The following CACNA1E variants were observed in gnomAD, a reference collection of about 807,000 sequenced individuals.
CACNA1E encodes calcium voltage-gated channel subunit alpha1 E, also known as voltage-dependent R-type calcium channel subunit alpha-1E.
A neutral mutation model predicts 259.2 loss-of-function variants in CACNA1E; 40 were observed. The ratio of observed to expected loss-of-function variants is 0.15; its 90% CI spans 0.12 to 0.20. CACNA1E has a LOEUF of 0.20. Among genes scored for constraint, CACNA1E ranks in the 10% least tolerant of loss-of-function variants. The probability of loss-of-function intolerance (pLI) is 1.00; values close to 1 mark genes in which losing one functional copy is unlikely to be tolerated. For missense variants in CACNA1E, 1,874 were observed against 3,040.1 expected (o/e 0.62, Z 9.02); for synonymous variants, 1,104 against 1,138.5 (o/e 0.97, Z 0.61).
At chr1:181,389,251 CA>C (rs1656077131) in intron 1 of CACNA1E, among the ~76,000 whole-genome samples, 1 of 152,158 alleles carries the variant, frequency 6.6e-6, no homozygotes, top group Admixed American at 6.5e-5. Flanking sequence ...GCCATTTTAG[CA>C]GCACCATCAT....
chr1:181,354,982 G>A (rs1653313254), intron 1 of CACNA1E, among the ~76,000 whole-genome samples: 1 of 152,250 alleles, frequency 6.6e-6, no homozygotes, highest in Admixed American at 6.5e-5. Context: ...AAGAGGGCCA[G>A]CACACAGGCA....
intron 1 of CACNA1E, 56 bp downstream of exon 1, chr1:181,484,066 AG>A (rs1663558667): frequency 9.1e-6 from 14 of 1,545,462 alleles, no homozygotes; most frequent in African/African-American, 2.7e-5. Flanking sequence ...CTTCGGGTGA[AG>A]GGGGGTACCT....
chr1:181,711,823 T>A (rs917588512), intron 8 of CACNA1E, among the ~76,000 whole-genome samples: 1 of 152,010 alleles, frequency 6.6e-6, no homozygotes, highest in African/African-American at 2.4e-5. Context: ...GTGACAGCTG[T>A]CATGGGGGAA....
In CACNA1E at chr1:181,772,114, G is replaced by A. The variant is rs1659570397; in HGVS notation, c.5022G>A (p.Gly1674=). The stretch of plus-strand genomic sequence containing the variant: ...AGGAGATTATGCTGTCATGCCTTGG[G>A]GAGAAGGGCTGTGAGCCTGACACCA... ...AWQEIMLSCL[G]EKGCEPDTTA... is the part of the protein sequence containing the mutation. The change falls in exon 37 of 48, where the codon GGG becomes GGA. Residue 1674 remains glycine (G), a synonymous_variant. Coordinates refer to ENST00000367573, the MANE Select transcript of CACNA1E (RefSeq NM_001205293.3). The A allele has an allele frequency of 9.9e-6, 16 of 1,613,844 alleles. No homozygotes were observed. Among genetic ancestry groups the A allele is most frequent in the Middle Eastern group, 1.6e-4 (1 of 6,084 alleles).
At chr1:181,607,767 T>A (rs1654370409) in intron 6 of CACNA1E, among the ~76,000 whole-genome samples, 1 of 152,220 alleles carries the variant, frequency 6.6e-6, no homozygotes, top group African/African-American at 2.4e-5. Context: ...CAATTGCTCT[T>A]AACTACAGAG....
chr1:181,353,028 C>T (rs1653158227), intron 1 of CACNA1E, among the ~76,000 whole-genome samples: 1 of 152,152 alleles, frequency 6.6e-6, no homozygotes, highest in Non-Finnish European at 1.5e-5. Flanking sequence ...AGTCATGCTG[C>T]CCCAGCTTCT....
intron 2 of CACNA1E, among the ~76,000 whole-genome samples, chr1:181,463,404 A>C (rs1661947450): frequency 6.6e-6 from 1 of 152,150 alleles, no homozygotes; most frequent in African/African-American, 2.4e-5. Context: ...ATTGCTTTTC[A>C]GAGTGAATGT....
chr1:181,450,472 A>G (rs536647233), intron 2 of CACNA1E, among the ~76,000 whole-genome samples: 1 of 151,888 alleles, frequency 6.6e-6, no homozygotes, highest in South Asian at 2.1e-4. Flanking sequence ...TTGTGTGTAG[A>G]AGGGGTTCAA....
chr1:181,697,465 A>G (rs1206915865), intron 7 of CACNA1E, among the ~76,000 whole-genome samples: 3 of 152,256 alleles, frequency 2.0e-5, no homozygotes, highest in African/African-American at 7.2e-5. Flanking sequence ...CTGGTACATC[A>G]TAAACACAAA....
chr1:181,798,813 GGAA>G lies in CACNA1E; in HGVS notation c.6927_6929del (p.Glu2309del). On this transcript the variant is annotated inframe_deletion, in exon 48 of 48. Coordinates refer to ENST00000367573, the MANE Select transcript of CACNA1E (RefSeq NM_001205293.3). This position sits in a 1 kb window ranked among gnomAD's most constrained non-coding sequence, Gnocchi z 4.2. ...CTGTCAACAACCTGCTAAGTGACAC[GGAA>G]GAAGATGACAAATGCTAGAGGCTGC... 6.5e-7 allele frequency: 1 copy of G among 1,526,928 alleles called. No homozygotes were observed. The highest frequency in any genetic ancestry group is 8.8e-7 in the Non-Finnish European group (1 of 1,138,148). 94.6% of individuals were successfully genotyped at this position (1,526,928 alleles called of 1,614,324 possible). A position where few individuals can be genotyped will look rare whatever the true frequency, so the allele number is the denominator to read the frequency against.
At chr1:181,713,702 G>C (rs1210718248) in intron 8 of CACNA1E, among the ~76,000 whole-genome samples, 1 of 152,198 alleles carries the variant, frequency 6.6e-6, no homozygotes, top group Non-Finnish European at 1.5e-5. Context: ...CTTAGGGAAT[G>C]TTTAACGAGG....
At chr1:181,735,216 G>A (rs1215825489) in intron 21 of CACNA1E, among the ~76,000 whole-genome samples, 1 of 152,148 alleles carries the variant, frequency 6.6e-6, no homozygotes, top group African/African-American at 2.4e-5. Context: ...CAGCTCTTTT[G>A]GTGTTTGTTT....
At chr1:181,361,746 A>G (rs1653900372) in intron 1 of CACNA1E, among the ~76,000 whole-genome samples, 1 of 152,088 alleles carries the variant, frequency 6.6e-6, no homozygotes, top group East Asian at 1.9e-4. Flanking sequence ...GGGGAAGGGG[A>G]TTAGACTTGA....
chr1:181,701,651 G>A (rs547380760), intron 7 of CACNA1E, among the ~76,000 whole-genome samples: 1 of 152,162 alleles, frequency 6.6e-6, no homozygotes. Flanking sequence ...ACTCTTGAAA[G>A]CCTTTATTTT....
At chr1:181,408,414 G>T (rs1283054021) in intron 1 of CACNA1E, among the ~76,000 whole-genome samples, 1 of 152,116 alleles carries the variant, frequency 6.6e-6, no homozygotes, top group African/African-American at 2.4e-5. Context: ...GAATTAAGAA[G>T]TAAAACTCTT....
At chr1:181,670,391 A>G (rs1648673035) in intron 7 of CACNA1E, among the ~76,000 whole-genome samples, 1 of 152,216 alleles carries the variant, frequency 6.6e-6, no homozygotes, top group Non-Finnish European at 1.5e-5. Flanking sequence ...CAAGTGTATC[A>G]CTACATTCTC....
chr1:181,413,215 G>T (rs892257205), exon 2 of CACNA1E: 5 of 152,926 alleles, frequency 3.3e-5, no homozygotes, highest in African/African-American at 1.2e-4. Flanking sequence ...GCCCGGCTGC[G>T]GGGAGCCCTG....
At chr1:181,529,216 A>G (rs1344995994) in intron 3 of CACNA1E, among the ~76,000 whole-genome samples, 3 of 152,094 alleles carry the variant, frequency 2.0e-5, no homozygotes, top group Non-Finnish European at 4.4e-5. Flanking sequence ...TGGAAGCCCC[A>G]AGTCTTGGCA....
intron 2 of CACNA1E, among the ~76,000 whole-genome samples, chr1:181,469,948 C>A (rs975181493): frequency 6.6e-6 from 1 of 152,050 alleles, no homozygotes; most frequent in African/African-American, 2.4e-5. Context: ...CTTCTTAGTG[C>A]TTCAGCCAGA....
Sources: gnomAD v4.1 joint callset for allele counts (sites outside exome capture counted in the v4.1 genomes callset) on GRCh38, gnomAD v4.1.1 for gene constraint, Gnocchi (gnomAD v3.1) non-coding constraint, MANE v1.5 for transcripts, NCBI Gene and HGNC (gene_info 2026-07-23, HGNC 2026-07-21) for gene names.